WWOX: variants seen among roughly 807,000 people sequenced by gnomAD.
The protein encoded by WWOX is WW domain-containing oxidoreductase.
In WWOX, 69 loss-of-function variants were observed where a neutral mutation model predicts 46.2. The ratio of observed to expected loss-of-function variants is 1.49; its 90% CI spans 1.23 to 1.82. The LOEUF (loss-of-function observed/expected upper bound fraction) is 1.82. Among genes scored for constraint, WWOX ranks in the 40% most tolerant of loss-of-function variants. WWOX has a pLI of 0.00. For missense variants in WWOX, 919 were observed against 542.6 expected (o/e 1.69, Z -6.89); for synonymous variants, 359 against 202.6 (o/e 1.77, Z -6.56).
At chr16:78,671,077 G>C (rs1195631890) in intron 8 of WWOX, among the ~76,000 whole-genome samples, 1 of 152,202 alleles carries the variant, frequency 6.6e-6, no homozygotes, top group African/African-American at 2.4e-5. Context: ...AAGGGACTCA[G>C]CCTGCAGACA....
At chr16:78,925,801 G>A (rs918961104) in intron 8 of WWOX, among the ~76,000 whole-genome samples, 1 of 152,194 alleles carries the variant, frequency 6.6e-6, no homozygotes, top group Admixed American at 6.5e-5. Flanking sequence ...TAAGAAAGCA[G>A]TGCTCAGAGG....
chr16:78,598,446 G>A (rs78431898), intron 8 of WWOX, among the ~76,000 whole-genome samples: 13 of 152,044 alleles, frequency 8.6e-5, no homozygotes, highest in Non-Finnish European at 1.6e-4. Context: ...CTTTCCCCCC[G>A]CCCTGGCCCC....
chr16:78,170,927 C>T (rs1452945602), intron 5 of WWOX, among the ~76,000 whole-genome samples: 6 of 152,190 alleles, frequency 3.9e-5, no homozygotes, highest in South Asian at 2.1e-4. Context: ...TGCAACCACA[C>T]GGTTTGCTGC....
At chr16:78,925,199 C>G (rs894998270) in intron 8 of WWOX, among the ~76,000 whole-genome samples, 16 of 152,088 alleles carry the variant, frequency 1.1e-4, no homozygotes, top group Non-Finnish European at 1.5e-5. Context: ...TGACTTAAAA[C>G]AAAAACAAAA....
chr16:78,394,387 TC>T (rs1219309715), intron 6 of WWOX, among the ~76,000 whole-genome samples: 1 of 152,182 alleles, frequency 6.6e-6, no homozygotes, highest in African/African-American at 2.4e-5. Context: ...AATTTTTTTT[TC>T]TATCCCATAC....
chr16:78,419,942 T>C (rs1387390009), intron 6 of WWOX, among the ~76,000 whole-genome samples: 1 of 151,990 alleles, frequency 6.6e-6, no homozygotes, highest in Non-Finnish European at 1.5e-5. Context: ...AATTCAATAA[T>C]GAAAACTCAT....
chr16:78,806,648 C>G (rs1017946250), intron 8 of WWOX, among the ~76,000 whole-genome samples: 1 of 151,934 alleles, frequency 6.6e-6, no homozygotes, highest in South Asian at 2.1e-4. Context: ...GGTGAGCGTC[C>G]CAAGAGAAAG....
intron 8 of WWOX, among the ~76,000 whole-genome samples, chr16:78,695,861 C>A (rs1056765907): frequency 2.0e-5 from 3 of 152,170 alleles, no homozygotes; most frequent in African/African-American, 7.2e-5. Context: ...GGACAGATGT[C>A]ATTCCTTAAA....
At chr16:78,616,083 A>G (rs1464577817) in intron 8 of WWOX, among the ~76,000 whole-genome samples, 8 of 152,100 alleles carry the variant, frequency 5.3e-5, no homozygotes, top group Admixed American at 3.9e-4. Context: ...AACATTAGCT[A>G]TTCTTCTCAC....
chr16:79,001,173 A>G (rs1268969135), intron 8 of WWOX, among the ~76,000 whole-genome samples: 1 of 152,208 alleles, frequency 6.6e-6, no homozygotes, highest in Non-Finnish European at 1.5e-5. Context: ...TGCTGAATGC[A>G]CTTTTGAATA....
chr16:78,988,794 C>G (rs935593328), intron 8 of WWOX, among the ~76,000 whole-genome samples: 1 of 152,150 alleles, frequency 6.6e-6, no homozygotes, highest in South Asian at 2.1e-4. Flanking sequence ...GTGCCCCACT[C>G]CCAGCCTGTC....
At chr16:78,642,551 C>T (rs2046745074) in intron 8 of WWOX, among the ~76,000 whole-genome samples, 1 of 152,092 alleles carries the variant, frequency 6.6e-6, no homozygotes, top group South Asian at 2.1e-4. Flanking sequence ...GTGATTTTCG[C>T]GCCACCAGGA....
In WWOX at chr16:78,853,301, A is replaced by G. The variant is rs1419667840; in HGVS notation, c.1057-358307A>G. Among the ~76,000 whole-genome samples the G allele has an allele frequency of 2.0e-5, 3 of 152,140 alleles. No individual in the cohort carries two copies. In the East Asian group the frequency reaches 5.8e-4, roughly 29 times the overall value. On this transcript the variant is annotated intron_variant, in intron 8 of 8. Transcript: ENST00000566780. ...AGTGGCGTGATCTCGGCTCACTGCA[A>G]CCTCTGTCTCCTGGGTTCAAGCAAT...
chr16:78,523,853 G>A (rs1170640863), intron 8 of WWOX, among the ~76,000 whole-genome samples: 2 of 152,200 alleles, frequency 1.3e-5, no homozygotes, highest in Non-Finnish European at 2.9e-5. Flanking sequence ...GGCCCATAGT[G>A]CAGCTAGGAG....
At chr16:78,202,227 G>T (rs538741985) in intron 5 of WWOX, among the ~76,000 whole-genome samples, 20 of 152,312 alleles carry the variant, frequency 1.3e-4, no homozygotes, top group Admixed American at 5.9e-4. Flanking sequence ...TTTCTAGGCT[G>T]GGCTCAGATT....
chr16:78,731,053 G>A (rs1305498945), intron 8 of WWOX, among the ~76,000 whole-genome samples: 2 of 152,144 alleles, frequency 1.3e-5, no homozygotes, highest in Non-Finnish European at 2.9e-5. Context: ...GTTTAGTGTT[G>A]ATTTAAGAAA....
chr16:78,115,678 G>C (rs1220200400), intron 4 of WWOX, among the ~76,000 whole-genome samples: 1 of 152,080 alleles, frequency 6.6e-6, no homozygotes, highest in East Asian at 1.9e-4. Context: ...TTACCCACAG[G>C]GACTATCATG....
At chr16:79,132,156 ACACACACACACC>A (rs1185434035) in intron 8 of WWOX, among the ~76,000 whole-genome samples, 2 of 131,766 alleles carry the variant, frequency 1.5e-5, no homozygotes, top group South Asian at 2.7e-4. Flanking sequence ...ACACACACAC[ACACACACACACC>A]CCTTCCTACG....
At chr16:79,030,302 C>T (rs1360293654) in intron 8 of WWOX, among the ~76,000 whole-genome samples, 1 of 152,316 alleles carries the variant, frequency 6.6e-6, no homozygotes, top group African/African-American at 2.4e-5. Context: ...TAGGGTTTCT[C>T]TCCTCCAGTG....
Sources: gnomAD v4.1 joint callset for allele counts (sites outside exome capture counted in the v4.1 genomes callset) on GRCh38, gnomAD v4.1.1 for gene constraint, MANE v1.5 for transcripts, NCBI Gene and HGNC (gene_info 2026-07-23, HGNC 2026-07-21) for gene names.